DSC1: variants seen among roughly 807,000 people sequenced by gnomAD.
DSC1 encodes the protein desmocollin-1.
DSC1 carries 79 observed loss-of-function variants against 98.8 expected under a neutral mutation model. That is an observed-to-expected ratio of 0.80 (90% CI 0.67 to 0.96). The LOEUF (loss-of-function observed/expected upper bound fraction) is 0.96. Ranked by LOEUF, DSC1 falls within the 50% of genes least tolerant of loss-of-function variation. DSC1 has a pLI of 0.00. For missense variants in DSC1, 1,115 were observed against 1,075.9 expected (o/e 1.04, Z -0.51); for synonymous variants, 405 against 372.1 (o/e 1.09, Z -1.02).
intron 5 of DSC1, among the ~76,000 whole-genome samples, chr18:31,150,285 C>CCATCATCAT (rs1988951159): frequency 8.0e-6 from 1 of 124,566 alleles, no homozygotes; most frequent in Non-Finnish European, 1.7e-5. Context: ...ACCATCACCA[C>CCATCATCAT]CACCACCACT....
chr18:31,142,324 T>C (rs964351731), intron 8 of DSC1, 140 bp from the exon 9 acceptor site: 2 of 848,514 alleles, frequency 2.4e-6, no homozygotes, highest in African/African-American at 3.5e-5. Context: ...ATTTTACAAA[T>C]TTAATGCGTA....
At position 31,133,889 on chromosome 18, in the gene DSC1, A is replaced by G; in HGVS notation, c.2116+2T>C. 7 of 1,606,926 alleles carry G rather than the reference A, an allele frequency of 4.4e-6. No individual in the cohort carries two copies. The highest frequency in any genetic ancestry group is 6.0e-6 in the Non-Finnish European group (7 of 1,176,152). Reference sequence around the variant, plus strand: ...CTAGATAATGATACTTAATATACTTACATAATAACAATACAGAACCCAACA... The same window carrying G: ...CTAGATAATGATACTTAATATACTTGCATAATAACAATACAGAACCCAACA... On this transcript the variant is annotated splice_donor_variant, in intron 13 of 15. Transcript: ENST00000257198. LOFTEE classifies it high-confidence loss of function.
In DSC1 at chr18:31,133,965, C is replaced by T; in HGVS notation, c.2042G>A (p.Arg681Lys). 4 of 1,613,440 alleles carry T rather than the reference C, an allele frequency of 2.5e-6. No homozygotes were observed. Among genetic ancestry groups the T allele is most frequent in the Non-Finnish European group, 1.7e-6 (2 of 1,179,646 alleles). Residue 681 changes from arginine (R) to lysine (K), a missense_variant, in exon 13 of 16, where the codon AGA (arginine) becomes AAA (lysine). Coordinates refer to ENST00000257198, the MANE Select transcript of DSC1 (RefSeq NM_024421.2). ...AAGTATTACATTTGGTCTAACGTCT[C>T]TTGTACTTTTATCCTTCATTCTACA... Reference protein sequence around the residue: ...SECRMKDKSTRDVRPNVILGR... With the variant: ...SECRMKDKSTKDVRPNVILGR...
chr18:31,162,369 G>A (rs1199417075), intron 1 of DSC1, among the ~76,000 whole-genome samples, 163 bp downstream of exon 1: 1 of 152,118 alleles, frequency 6.6e-6, no homozygotes, highest in Non-Finnish European at 1.5e-5. Context: ...TGAATCCCAA[G>A]CCTCTCAACT....
intron 2 of DSC1, among the ~76,000 whole-genome samples, chr18:31,158,955 T>C (rs2143934660): frequency 6.6e-6 from 1 of 152,048 alleles, no homozygotes; most frequent in Middle Eastern, 3.4e-3. Context: ...ACAACTAACT[T>C]TGGTATTTTA....
chr18:31,150,547 C>G, intron 5 of DSC1, among the ~76,000 whole-genome samples: 1 of 150,664 alleles, frequency 6.6e-6, no homozygotes, highest in Non-Finnish European at 1.5e-5. Context: ...ACCACTACCA[C>G]CACCAACACC....
chr18:31,137,514 G>T (rs1388946920), intron 11 of DSC1, among the ~76,000 whole-genome samples: 2 of 152,088 alleles, frequency 1.3e-5, no homozygotes, highest in Admixed American at 1.3e-4. Flanking sequence ...CTGTGCATAT[G>T]TATACCACAT....
At chr18:31,141,657 T>C (rs949156689) in intron 9 of DSC1, among the ~76,000 whole-genome samples, 3 of 138,962 alleles carry the variant, frequency 2.2e-5, no homozygotes, top group Non-Finnish European at 4.6e-5. Context: ...TTTCAAATAG[T>C]GATTCTTCCA....
At chr18:31,145,098 C>G (rs1216734387) in intron 7 of DSC1, among the ~76,000 whole-genome samples, 2 of 152,022 alleles carry the variant, frequency 1.3e-5, no homozygotes, top group Non-Finnish European at 2.9e-5. Flanking sequence ...CGCCACCAAG[C>G]CCGGCTAATT....
At chr18:31,148,746 T>G in intron 5 of DSC1, 104 bp from the exon 6 acceptor site, 2 of 1,112,084 alleles carry the variant, frequency 1.8e-6, no homozygotes, top group Non-Finnish European at 2.5e-6. Context: ...AAAAAATCAT[T>G]CCCAAAGACC....
chr18:31,137,826 G>C (rs886884001), intron 11 of DSC1, among the ~76,000 whole-genome samples: 1 of 152,114 alleles, frequency 6.6e-6, no homozygotes, highest in Non-Finnish European at 1.5e-5. Context: ...TGGAAGGTAT[G>C]TAAAACAATG....
At chr18:31,143,594 T>C (rs1988781585) in intron 8 of DSC1, 63 bp downstream of exon 8, 5 of 1,346,304 alleles carry the variant, frequency 3.7e-6, no homozygotes, top group Non-Finnish European at 4.9e-6. Flanking sequence ...AGCTACCAAA[T>C]TCTAGACATG....
Position 31,156,100 on chromosome 18 carries a change from A to T in DSC1, c.414T>A (p.Pro138=). ...AGTTCTCCATCAATGAAGCTGGAAT[A>T]GGAGCCCATCGTCTCTTGCTGCGCT... ...ALKRSKRRWA[P]IPASLMENSL... Residue 138 remains proline (P), a synonymous_variant, in exon 4 of 16, where the codon CCT becomes CCA. Coordinates refer to ENST00000257198, the MANE Select transcript of DSC1 (RefSeq NM_024421.2). 1 of 1,614,208 alleles carries T rather than the reference A, an allele frequency of 6.2e-7. No homozygotes were observed. The highest frequency in any genetic ancestry group is 8.5e-7 in the Non-Finnish European group (1 of 1,180,020).
At chr18:31,157,777 C>G (rs574310860) in intron 2 of DSC1, among the ~76,000 whole-genome samples, 1 of 152,190 alleles carries the variant, frequency 6.6e-6, no homozygotes, top group Admixed American at 6.5e-5. Flanking sequence ...CCACTACCTT[C>G]GTCATACATT....
At position 31,148,432 on chromosome 18, in the gene DSC1, T is replaced by C. The variant is rs141418469; in HGVS notation, c.772+66A>G. On this transcript the variant is annotated intron_variant, in intron 6 of 15. Transcript: ENST00000257198. ...ATGCAATGATAAAACGTAAACATCT[T>C]TAATTATAATACTTACGAAATGTCA... 3.5e-3 allele frequency: 5,036 copies of C among 1,446,860 alleles called. 9 individuals carry two copies. The highest frequency in any genetic ancestry group is 4.2e-3 in the Non-Finnish European group (4,528 of 1,083,976). The allele number at this position is 1,446,860 out of a possible 1,614,324, so 89.6% of individuals were successfully genotyped here.
At chr18:31,161,123 C>G (rs1295695634) in intron 1 of DSC1, among the ~76,000 whole-genome samples, 1 of 152,084 alleles carries the variant, frequency 6.6e-6, no homozygotes, top group Non-Finnish European at 1.5e-5. Flanking sequence ...TTGTAAGCTA[C>G]AAACCTGTAC....
chr18:31,159,435 T>C lies in DSC1; in HGVS notation c.148+10A>G. 2 of 1,610,964 alleles carry C rather than the reference T, an allele frequency of 1.2e-6. No homozygotes were observed. Among genetic ancestry groups the C allele is most frequent in the South Asian group, 2.2e-5 (2 of 90,712 alleles). ...GTTACAGCTATGAAACTGTTAATAGTGTTTCTCACCTTTGCCTACAAGTGT... is the reference window on the plus strand; with the variant it reads ...GTTACAGCTATGAAACTGTTAATAGCGTTTCTCACCTTTGCCTACAAGTGT... On this transcript the variant is annotated intron_variant, in intron 2 of 15. Coordinates refer to ENST00000257198, the MANE Select transcript of DSC1 (RefSeq NM_024421.2).
rs144657792 is a variant in DSC1 at position 31,131,685 on chromosome 18, G to T, written c.2396C>A (p.Thr799Asn). The T allele has an allele frequency of 2.0e-5, 33 of 1,613,946 alleles. No individual in the cohort carries two copies. Among genetic ancestry groups the T allele is most frequent in the African/African-American group, 1.2e-4 (9 of 74,908 alleles). ...LDSNKGGGHQ[T>N]LESVKGVGQG... The stretch of plus-strand genomic sequence containing the variant: ...CCCCACTCCCTTGACGGACTCCAAG[G>T]TCTGATGTCCACCTCCTTTGTTGGA... The change falls in exon 15 of 16, where the codon ACC becomes AAC. Residue 799 changes from threonine to asparagine, a missense_variant. Physicochemically the swap from Thr to Asn is moderately conservative, Grantham distance 65 (BLOSUM62 0). Coordinates refer to ENST00000257198, the MANE Select transcript of DSC1 (RefSeq NM_024421.2).
chr18:31,147,243 T>G (rs1016680271), intron 6 of DSC1, among the ~76,000 whole-genome samples: 3 of 152,182 alleles, frequency 2.0e-5, no homozygotes, highest in African/African-American at 7.2e-5. Flanking sequence ...CCATGATATA[T>G]TTCTGGTTCC....
Sources: allele counts gnomAD v4.1 joint callset (sites outside exome capture counted in the v4.1 genomes callset), GRCh38; gene constraint gnomAD v4.1.1; transcripts MANE v1.5; gene names NCBI Gene and HGNC (gene_info 2026-07-23, HGNC 2026-07-21).